FSTL5: variants seen among roughly 807,000 people sequenced by gnomAD.
FSTL5 encodes the protein follistatin-related protein 5.
FSTL5 carries 62 observed loss-of-function variants against 89.1 expected under a neutral mutation model. The observed-to-expected ratio is 0.70, with a 90% CI of 0.57 to 0.86. The LOEUF is 0.86. Among genes scored for constraint, FSTL5 ranks in the 40% least tolerant of loss-of-function variants. The pLI, the probability that FSTL5 is intolerant of heterozygous loss-of-function variation, is 0.00. For missense variants in FSTL5, 1,057 were observed against 1,001.6 expected, an observed-to-expected ratio of 1.06 and a Z score of -0.75; for synonymous variants, 383 against 346.2, an observed-to-expected ratio of 1.11 and a Z score of -1.18.
chr4:161,538,082 C>G, intron 10 of FSTL5, 84 bp downstream of exon 10: 1 of 1,327,562 alleles, frequency 7.5e-7, no homozygotes, highest in Non-Finnish European at 1.1e-6. Context: ...TCACAGTTTT[C>G]TGGTGCCTTT....
intron 3 of FSTL5, among the ~76,000 whole-genome samples, chr4:161,995,041 C>T (rs1319091958): frequency 6.6e-6 from 1 of 151,920 alleles, no homozygotes; most frequent in Non-Finnish European, 1.5e-5. Context: ...GTCTTTAATC[C>T]GTCTTGAGTT....
At chr4:161,882,790 G>T (rs577101908) in intron 4 of FSTL5, among the ~76,000 whole-genome samples, 1 of 151,774 alleles carries the variant, frequency 6.6e-6, no homozygotes, top group Admixed American at 6.6e-5. Flanking sequence ...TACAGAACTC[G>T]AGTTGTCTTT....
chr4:161,973,250 T>A lies in FSTL5; in HGVS notation c.161-52598A>T, dbSNP rs1482602319. ...ACAGATTTAACCCAACAAAGAAAGGTGACATAGGTATATTTAAATAGCATC... is the reference window on the plus strand; with the variant it reads ...ACAGATTTAACCCAACAAAGAAAGGAGACATAGGTATATTTAAATAGCATC... On this transcript the variant is annotated intron_variant, in intron 3 of 15. Coordinates refer to ENST00000306100, the MANE Select transcript of FSTL5 (RefSeq NM_020116.5). Among the ~76,000 whole-genome samples the A allele has an allele frequency of 3.3e-5, 5 of 152,106 alleles. No homozygotes were observed. The East Asian group carries it at 9.7e-4, about 29-fold the overall frequency.
chr4:161,602,856 C>T (rs1267502467), intron 7 of FSTL5, among the ~76,000 whole-genome samples: 1 of 151,994 alleles, frequency 6.6e-6, no homozygotes, highest in Non-Finnish European at 1.5e-5. Context: ...TTTGTTCAGC[C>T]AAAAACTGAG....
intron 4 of FSTL5, among the ~76,000 whole-genome samples, chr4:161,778,924 C>T (rs1356184963): frequency 6.6e-6 from 1 of 152,152 alleles, no homozygotes; most frequent in Admixed American, 6.5e-5. Flanking sequence ...ATTCCAATAG[C>T]CTTTCCTTGG....
At chr4:162,047,973 C>A (rs1378461257) in intron 2 of FSTL5, among the ~76,000 whole-genome samples, 2 of 152,028 alleles carry the variant, frequency 1.3e-5, no homozygotes, top group Non-Finnish European at 2.9e-5. Context: ...TATAAATCAG[C>A]CTAATTTTAA....
chr4:161,851,126 T>G (rs1361183754), intron 4 of FSTL5, among the ~76,000 whole-genome samples: 1 of 152,212 alleles, frequency 6.6e-6, no homozygotes, highest in Non-Finnish European at 1.5e-5. Flanking sequence ...TCTGGTCTTC[T>G]CTAGTAATTA....
chr4:161,851,749 A>AT (rs34215301), intron 4 of FSTL5, among the ~76,000 whole-genome samples: 2,384 of 150,814 alleles, frequency 0.016, 58 homozygotes, highest in African/African-American at 0.053. Flanking sequence ...TATTTAGAGA[A>AT]TTTTTTTTTT....
intron 4 of FSTL5, among the ~76,000 whole-genome samples, chr4:161,846,475 GT>G (rs2126876514): frequency 6.6e-6 from 1 of 152,066 alleles, no homozygotes; most frequent in South Asian, 2.1e-4. Context: ...AGTTTTACAG[GT>G]ACCTAAATGT....
chr4:161,540,113 A>G (rs1442794527), intron 9 of FSTL5, among the ~76,000 whole-genome samples: 1 of 152,046 alleles, frequency 6.6e-6, no homozygotes, highest in Non-Finnish European at 1.5e-5. Flanking sequence ...AGAACTACCA[A>G]TCCCTTTATC....
chr4:161,863,333 T>C (rs961547058), intron 4 of FSTL5, among the ~76,000 whole-genome samples: 1 of 152,168 alleles, frequency 6.6e-6, no homozygotes, highest in Admixed American at 6.5e-5. Flanking sequence ...AGTAAAATAT[T>C]CATTTTGTTT....
chr4:161,533,118 G>A (rs1731479251), intron 10 of FSTL5, among the ~76,000 whole-genome samples: 1 of 150,290 alleles, frequency 6.7e-6, no homozygotes, highest in Non-Finnish European at 1.5e-5. Flanking sequence ...CCTGCATCAA[G>A]AGGTTAGAAA....
At chr4:161,512,949 C>T (rs1316112292) in intron 10 of FSTL5, among the ~76,000 whole-genome samples, 5 of 151,954 alleles carry the variant, frequency 3.3e-5, no homozygotes, top group African/African-American at 9.7e-5. Context: ...AAACAGAAAG[C>T]ATTTTCCAAT....
intron 3 of FSTL5, among the ~76,000 whole-genome samples, chr4:161,992,017 T>C (rs1736126241): frequency 6.6e-6 from 1 of 152,214 alleles, no homozygotes; most frequent in South Asian, 2.1e-4. Flanking sequence ...GCGGTGTTCC[T>C]GTTCAAGAAG....
chr4:161,499,265 G>A (rs1730211692), intron 12 of FSTL5, among the ~76,000 whole-genome samples: 1 of 152,052 alleles, frequency 6.6e-6, no homozygotes, highest in South Asian at 2.1e-4. Flanking sequence ...GTATAATTAA[G>A]TTATAACTTA....
At chr4:162,019,116 A>ATTTG (rs1407307866) in intron 3 of FSTL5, among the ~76,000 whole-genome samples, 1 of 152,090 alleles carries the variant, frequency 6.6e-6, no homozygotes, top group African/African-American at 2.4e-5. Flanking sequence ...CACATCTGAA[A>ATTTG]TTTGGTTGTT....
chr4:161,932,690 T>C (rs1003288414), intron 3 of FSTL5, among the ~76,000 whole-genome samples: 1 of 151,962 alleles, frequency 6.6e-6, no homozygotes, highest in Non-Finnish European at 1.5e-5. Context: ...TATTTCATAC[T>C]TTTCTGATGA....
At chr4:161,535,182 T>A (rs551288272) in intron 10 of FSTL5, among the ~76,000 whole-genome samples, 4 of 152,118 alleles carry the variant, frequency 2.6e-5, no homozygotes, top group Admixed American at 2.6e-4. Context: ...TATGGCTAAG[T>A]CCTCAAAAGC....
At chr4:162,134,368 G>A (rs867824982) in intron 1 of FSTL5, among the ~76,000 whole-genome samples, 11 of 152,010 alleles carry the variant, frequency 7.2e-5, no homozygotes, top group Admixed American at 2.6e-4. Flanking sequence ...CTGCCCCTGC[G>A]GTCTTATATA....
Sources: gnomAD v4.1 joint callset for allele counts (sites outside exome capture counted in the v4.1 genomes callset) on GRCh38, gnomAD v4.1.1 for gene constraint, MANE v1.5 for transcripts, NCBI Gene and HGNC (gene_info 2026-07-23, HGNC 2026-07-21) for gene names.